Variants in DNAH7 observed in about 807,000 individuals in gnomAD.
DNAH7 encodes dynein axonemal heavy chain 7.
A neutral mutation model predicts 444.6 loss-of-function variants in DNAH7; 397 were observed. That is an observed-to-expected ratio of 0.89 (90% CI 0.82 to 0.97). The LOEUF (loss-of-function observed/expected upper bound fraction) is 0.97. Ranked by LOEUF, DNAH7 falls within the 50% of genes least tolerant of loss-of-function variation. DNAH7 has a pLI of 0.00. For synonymous variants in DNAH7, 1,636 were observed against 1,624.4 expected (o/e 1.01, Z -0.17); for missense variants, 4,902 against 4,800.8 (o/e 1.02, Z -0.62).
At chr2:195,938,868 C>T (rs1175429706) in intron 19 of DNAH7, among the ~76,000 whole-genome samples, 2 of 152,074 alleles carry the variant, frequency 1.3e-5, no homozygotes, top group African/African-American at 4.8e-5. Context: ...AAGTAATCAT[C>T]TTATGACTGG....
rs1382687653 is a variant in DNAH7 at position 195,864,173 on chromosome 2, G to A, written c.7482C>T (p.Asn2494=). The change falls in exon 41 of 65, where the codon AAC becomes AAT. Residue 2494 remains asparagine (N), a synonymous_variant. Coordinates refer to ENST00000312428, the MANE Select transcript of DNAH7 (RefSeq NM_018897.3). ...CCTGAAACCAGTCAATGGTACAGCA[G>A]TTAACAAGAGCAGGGAACTTTCTAA... ...NRLRKFPALV[N]CCTIDWFQSW... The A allele has an allele frequency of 4.3e-6, 7 of 1,613,952 alleles. No homozygotes were observed. The highest frequency in any genetic ancestry group is 2.7e-5 in the African/African-American group (2 of 74,896).
intron 19 of DNAH7, among the ~76,000 whole-genome samples, chr2:195,947,313 C>T (rs183236239): frequency 0.014 from 2,167 of 151,904 alleles, 54 homozygotes; most frequent in African/African-American, 0.05. Context: ...TATGATTATA[C>T]TTTAAGTTCT....
intron 12 of DNAH7, among the ~76,000 whole-genome samples, chr2:195,998,527 T>C (rs1693840434): frequency 6.7e-6 from 1 of 148,366 alleles, no homozygotes; most frequent in Non-Finnish European, 1.5e-5. Context: ...ATAGCACCAC[T>C]GCACTCCAGC....
intron 57 of DNAH7, among the ~76,000 whole-genome samples, chr2:195,792,163 T>A (rs377722970): frequency 4.4e-5 from 2 of 45,538 alleles, no homozygotes; most frequent in African/African-American, 1.8e-4. Context: ...TGAGACCCTG[T>A]CTCAAAAAAA....
chr2:196,068,414 T>G (rs1178205812), intron 1 of DNAH7: 3 of 477,414 alleles, frequency 6.3e-6, no homozygotes, highest in Non-Finnish European at 3.7e-6. Context: ...ACACCGCCAT[T>G]AGCACTCTGG....
intron 24 of DNAH7, among the ~76,000 whole-genome samples, chr2:195,916,926 C>T (rs1002645342): frequency 2.6e-5 from 4 of 151,196 alleles, no homozygotes; most frequent in South Asian, 2.1e-4. Flanking sequence ...GGTGAAACCC[C>T]GTCTCTACTA....
chr2:196,032,820 C>A (rs955352647), intron 5 of DNAH7, among the ~76,000 whole-genome samples: 1 of 152,138 alleles, frequency 6.6e-6, no homozygotes, highest in East Asian at 1.9e-4. Context: ...CACAAGAAAA[C>A]TACAGGGCCA....
intron 27 of DNAH7, chr2:195,904,105 G>A (rs181887597): frequency 2.0e-5 from 3 of 152,290 alleles, no homozygotes; most frequent in African/African-American, 7.2e-5. Context: ...AGAGATCCAG[G>A]CAAAGAGAAG....
chr2:195,989,939 T>C (rs555581715), intron 12 of DNAH7, among the ~76,000 whole-genome samples: 42 of 152,320 alleles, frequency 2.8e-4, no homozygotes, highest in African/African-American at 9.6e-4. Flanking sequence ...ACCTCTTTTT[T>C]AAATAAATTA....
intron 36 of DNAH7, among the ~76,000 whole-genome samples, chr2:195,880,311 ATCT>A (rs992557563): frequency 3.3e-5 from 5 of 151,390 alleles, no homozygotes; most frequent in East Asian, 3.9e-4. Flanking sequence ...GTTCATTGCA[ATCT>A]TCTTTCTTTC....
intron 58 of DNAH7, among the ~76,000 whole-genome samples, chr2:195,782,314 A>G: frequency 6.6e-6 from 1 of 152,326 alleles, no homozygotes; most frequent in African/African-American, 2.4e-5. Flanking sequence ...TCTTTAACTC[A>G]TGATGAAGTA....
chr2:195,910,002 A>G, intron 25 of DNAH7, 25 bp downstream of exon 25: 2 of 1,597,558 alleles, frequency 1.3e-6, no homozygotes, highest in South Asian at 1.1e-5. Flanking sequence ...ATCCTGTTGT[A>G]AAGAAATGAG....
intron 24 of DNAH7, among the ~76,000 whole-genome samples, chr2:195,913,093 TA>T (rs932727771): frequency 2.0e-5 from 3 of 151,864 alleles, no homozygotes; most frequent in African/African-American, 7.3e-5. Flanking sequence ...AGAGCAACTT[TA>T]AAAAAAACAG....
Position 195,884,691 on chromosome 2 carries a change from C to G in DNAH7, c.5657G>C (p.Arg1886Pro). 1 of 1,614,096 alleles carries G rather than the reference C, an allele frequency of 6.2e-7. No homozygotes were observed. The highest frequency in any genetic ancestry group is 1.3e-5 in the African/African-American group (1 of 75,028). ...LMESPISDRT[R>P]NTFKLQSGTE... ...ACCACTCTGTAATTTAAACGTATTT[C>G]GAGTTCGATCTGAAATTGGACTTTC... The change falls in exon 35 of 65, where the codon CGA becomes CCA. Residue 1886 changes from arginine (R) to proline (P), a missense_variant. Coordinates refer to ENST00000312428, the MANE Select transcript of DNAH7 (RefSeq NM_018897.3).
At chr2:195,952,023 T>C (rs1041670955) in intron 19 of DNAH7, among the ~76,000 whole-genome samples, 2 of 152,176 alleles carry the variant, frequency 1.3e-5, no homozygotes, top group Non-Finnish European at 2.9e-5. Flanking sequence ...TTCTTCATAG[T>C]GTCAATGATC....
rs532390984 is a variant in DNAH7, at chr2:195,903,239, A to T, written c.4336-2745T>A. 6 of 150,714 alleles carry T rather than the reference A, an allele frequency of 4.0e-5. No individual in the cohort carries two copies. In the South Asian group the frequency reaches 1.0e-3, roughly 26 times the overall value. The allele number at this position is 150,714 out of a possible 1,614,324, so 9.3% of individuals were successfully genotyped here. On this transcript the variant is annotated intron_variant, in intron 27 of 64. Transcript: ENST00000312428. ...TTTCAAAGGACTACATATTGGTACAATAAAAAAAAAATTAAGCAATAACTT... is the reference window on the plus strand; with the variant it reads ...TTTCAAAGGACTACATATTGGTACATTAAAAAAAAAATTAAGCAATAACTT...
chr2:196,056,313 C>A (rs1269779865), intron 2 of DNAH7, among the ~76,000 whole-genome samples: 1 of 150,874 alleles, frequency 6.6e-6, no homozygotes, highest in African/African-American at 2.4e-5. Context: ...GGCGTGGTGG[C>A]ATACACCTGT....
chr2:195,778,102 T>G, intron 58 of DNAH7, 117 bp from the exon 59 acceptor site: 1 of 936,238 alleles, frequency 1.1e-6, no homozygotes, highest in Non-Finnish European at 1.5e-6. Flanking sequence ...TTAACACAAC[T>G]TCCCTTCGTA....
intron 40 of DNAH7, among the ~76,000 whole-genome samples, chr2:195,867,729 T>C (rs2125107906): frequency 6.6e-6 from 1 of 152,362 alleles, no homozygotes; most frequent in South Asian, 2.1e-4. Context: ...GCACAATGTT[T>C]CTAGGTTCAT....
Sources: gnomAD v4.1 joint callset for allele counts (sites outside exome capture counted in the v4.1 genomes callset) on GRCh38, gnomAD v4.1.1 for gene constraint, MANE v1.5 for transcripts, NCBI Gene and HGNC (gene_info 2026-07-23, HGNC 2026-07-21) for gene names.